Variants in KANK4 observed in about 807,000 individuals in gnomAD.
KANK4 encodes the protein KN motif and ankyrin repeat domains 4.
KANK4 carries 50 observed loss-of-function variants against 80.8 expected under a neutral mutation model. That is an observed-to-expected ratio of 0.62 (90% CI 0.49 to 0.78). The LOEUF (loss-of-function observed/expected upper bound fraction) is 0.78, where lower values mean the gene tolerates loss of function less well. KANK4 is among the 30% of genes least tolerant of loss of function. The pLI is 0.00. For synonymous variants in KANK4, 465 were observed against 506.9 expected (o/e 0.92, Z 1.11); for missense variants, 1,196 against 1,240.1 (o/e 0.96, Z 0.53).
chr1:62,289,724 A>T (rs1672642161), intron 1 of KANK4, among the ~76,000 whole-genome samples: 2 of 152,222 alleles, frequency 1.3e-5, no homozygotes, highest in African/African-American at 4.8e-5. Context: ...TGGAAAATAA[A>T]AAATAAATTA....
At chr1:62,306,333 C>G (rs1294898541) in intron 1 of KANK4, among the ~76,000 whole-genome samples, 1 of 151,984 alleles carries the variant, frequency 6.6e-6, no homozygotes, top group Non-Finnish European at 1.5e-5. Context: ...TAATGACTTG[C>G]AATATGTTCA....
chr1:62,305,593 G>T (rs189242241), intron 1 of KANK4, among the ~76,000 whole-genome samples: 106 of 152,150 alleles, frequency 7.0e-4, no homozygotes, highest in Middle Eastern at 6.8e-3. Flanking sequence ...TTACAGGTGT[G>T]AGCCACCATG....
At chr1:62,304,746 T>C (rs1408781273) in intron 1 of KANK4, among the ~76,000 whole-genome samples, 1 of 152,058 alleles carries the variant, frequency 6.6e-6, no homozygotes, top group Non-Finnish European at 1.5e-5. Flanking sequence ...AGGAGATTCC[T>C]GCCAACAATT....
chr1:62,253,319 G>C (rs764420688), intron 7 of KANK4, 110 bp from the exon 8 acceptor site: 87 of 962,016 alleles, frequency 9.0e-5, no homozygotes, highest in Admixed American at 2.7e-4. Context: ...CCATGGACTA[G>C]AGCAATGCTT....
chr1:62,263,047 T>C, intron 7 of KANK4, 45 bp downstream of exon 7: 1 of 1,455,324 alleles, frequency 6.9e-7, no homozygotes, highest in Non-Finnish European at 9.5e-7. Context: ...ATTGCCCTGC[T>C]CTTCAAGGAG....
intron 8 of KANK4, among the ~76,000 whole-genome samples, chr1:62,247,955 A>T (rs1476056087): frequency 2.0e-5 from 3 of 151,804 alleles, no homozygotes; most frequent in African/African-American, 7.3e-5. Context: ...TCTCTTTCTC[A>T]CGGATTGTGA....
intron 3 of KANK4, chr1:62,272,450 C>A (rs1184017801): frequency 6.6e-6 from 1 of 152,418 alleles, no homozygotes. Flanking sequence ...GAGAGGAACA[C>A]AGGAATGCAA....
intron 9 of KANK4, among the ~76,000 whole-genome samples, chr1:62,243,159 C>T (rs183988939): frequency 6.6e-6 from 1 of 152,242 alleles, no homozygotes; most frequent in East Asian, 1.9e-4. Flanking sequence ...GATTGGCACT[C>T]CAGTCCCTCC....
rs180959703 is a variant in KANK4 at position 62,236,800 on chromosome 1, A to G, written c.*1477T>C. Among the ~76,000 whole-genome samples the G allele has an allele frequency of 2.2e-4, 34 of 151,862 alleles. No individual in the cohort carries two copies. Among genetic ancestry groups the G allele is most frequent in the African/African-American group, 7.7e-4 (32 of 41,398 alleles). On this transcript the variant is annotated 3_prime_UTR_variant, in exon 10 of 10. Transcript: ENST00000371153. ...TGGTAGAGACGGGGTTTCTCCATGT[A>G]TGTCAGGCTGGTCTCAAACTCCCGA...
At position 62,268,299 on chromosome 1, in the gene KANK4, G is replaced by A; in HGVS notation, c.2219C>T (p.Ser740Phe). 6.2e-7 allele frequency: 1 copy of A among 1,613,584 alleles called. No individual in the cohort carries two copies. The highest frequency in any genetic ancestry group is 8.5e-7 in the Non-Finnish European group (1 of 1,179,902). Residue 740 changes from serine (S) to phenylalanine (F), a missense_variant, in exon 5 of 10, where the codon TCC becomes TTC. Physicochemically the swap from Ser to Phe is radical, Grantham distance 155. Coordinates refer to ENST00000371153, the MANE Select transcript of KANK4 (RefSeq NM_181712.5). ...ESGPGEEVPH[S>F]KAERYKPSEE... Reference sequence around the variant, plus strand: ...TCCATTTGCTCACCTCTCGGCCTTGGAGTGGGGGACTTCTTCCCCAGGCCC... The same window carrying A: ...TCCATTTGCTCACCTCTCGGCCTTGAAGTGGGGGACTTCTTCCCCAGGCCC...
chr1:62,251,764 C>T (rs552470812), intron 8 of KANK4, among the ~76,000 whole-genome samples: 17 of 144,732 alleles, frequency 1.2e-4, no homozygotes, highest in Non-Finnish European at 1.8e-4. Context: ...AAGCCCGAGG[C>T]GGGTGGATCA....
chr1:62,297,256 A>C (rs1015990543), intron 1 of KANK4, among the ~76,000 whole-genome samples: 1 of 151,402 alleles, frequency 6.6e-6, no homozygotes, highest in Non-Finnish European at 1.5e-5. Context: ...GTAAATAAAA[A>C]ATACTAGTAA....
chr1:62,247,799 A>T, intron 8 of KANK4, 127 bp from the exon 9 acceptor site: 1 of 733,782 alleles, frequency 1.4e-6, no homozygotes, highest in Non-Finnish European at 2.3e-6. Context: ...CCTGCCCTTG[A>T]TATGGGACAT....
At chr1:62,285,888 C>T (rs1672554208) in intron 1 of KANK4, among the ~76,000 whole-genome samples, 1 of 152,156 alleles carries the variant, frequency 6.6e-6, no homozygotes, top group African/African-American at 2.4e-5. Context: ...TGCAAATATT[C>T]CCTGTGCCAA....
intron 1 of KANK4, among the ~76,000 whole-genome samples, chr1:62,310,287 G>T (rs1360042103): frequency 6.6e-6 from 1 of 152,168 alleles, no homozygotes; most frequent in Non-Finnish European, 1.5e-5. Flanking sequence ...CTAGGTAAGT[G>T]GTAAGGTTTC....
rs531858626 is a variant in KANK4, at chr1:62,276,236, C to T, written c.17-1149G>A. 1.1e-3 allele frequency among the ~76,000 whole-genome samples: 165 copies of T among 152,314 alleles called. 1 individual carries two copies. Among genetic ancestry groups the T allele is most frequent in the Admixed American group, 2.7e-3 (41 of 15,292 alleles). On this transcript the variant is annotated intron_variant, in intron 2 of 9. Transcript: ENST00000371153. ...GCCTGTTGCCAAGCAACCTCTTCTTCAGGTTAAATAGTCTTTGTTTCTTCA... is the reference window on the plus strand; with the variant it reads ...GCCTGTTGCCAAGCAACCTCTTCTTTAGGTTAAATAGTCTTTGTTTCTTCA...
rs11322195 is a variant in KANK4, at chr1:62,261,152, C to CTTTTTTTTT, written c.2539+1931_2539+1939dup. On this transcript the variant is annotated intron_variant, in intron 7 of 9. Transcript: ENST00000371153. ...CAGTCCGGCACTACCCTCCCAATGG[C>CTTTTTTTTT]TTTTTTTTTTTTTTTTTTTTTTGAG... 2.9e-5 allele frequency among the ~76,000 whole-genome samples: 2 copies of CTTTTTTTTT among 68,386 alleles called. 1 individual carries two copies. Among genetic ancestry groups the CTTTTTTTTT allele is most frequent in the African/African-American group, 1.0e-4 (2 of 19,314 alleles). 44.9% of individuals were successfully genotyped at this position (68,386 alleles called of 152,430 possible).
intron 9 of KANK4, among the ~76,000 whole-genome samples, chr1:62,245,371 G>T (rs1006576064): frequency 6.6e-6 from 1 of 152,194 alleles, no homozygotes; most frequent in African/African-American, 2.4e-5. Flanking sequence ...AGAGTCACTG[G>T]ATGAGTGCCT....
At chr1:62,283,874 T>C (rs748247174) in intron 1 of KANK4, among the ~76,000 whole-genome samples, 87 of 152,158 alleles carry the variant, frequency 5.7e-4, no homozygotes, top group Admixed American at 1.2e-3. Context: ...CAGCACACAT[T>C]AGGTCAAATT....
Sources: gnomAD v4.1 joint callset for allele counts (sites outside exome capture counted in the v4.1 genomes callset) on GRCh38, gnomAD v4.1.1 for gene constraint, MANE v1.5 for transcripts, NCBI Gene and HGNC (gene_info 2026-07-23, HGNC 2026-07-21) for gene names.